Variants in CHCHD6 observed in about 807,000 individuals in gnomAD.
CHCHD6 encodes MICOS complex subunit MIC25.
Under a neutral mutation model 32.3 loss-of-function variants are expected in CHCHD6, and 28 were observed. That is an observed-to-expected ratio of 0.87 (90% confidence interval 0.64 to 1.19). CHCHD6 has a LOEUF of 1.19. Ranked by LOEUF, CHCHD6 falls within the 50% of genes most tolerant of loss-of-function variation. The pLI, the probability that CHCHD6 is intolerant of heterozygous loss-of-function variation, is 0.00. For synonymous variants in CHCHD6, 122 were observed against 117.5 expected (o/e 1.04, Z -0.25); for missense variants, 333 against 307.0 (o/e 1.08, Z -0.63).
At chr3:126,872,418 G>T (rs573331605) in intron 5 of CHCHD6, among the ~76,000 whole-genome samples, 1 of 152,214 alleles carries the variant, frequency 6.6e-6, no homozygotes, top group African/African-American at 2.4e-5. Flanking sequence ...GGGCAACTTT[G>T]TATACCTCGT....
intron 4 of CHCHD6, among the ~76,000 whole-genome samples, chr3:126,769,070 T>C (rs990132724): frequency 6.6e-6 from 1 of 152,240 alleles, no homozygotes; most frequent in Non-Finnish European, 1.5e-5. Flanking sequence ...TTTTTGTTTT[T>C]GTTGCAATTG....
chr3:126,864,932 C>CCTCCTCCTCCACCATCAT (rs1398809841), intron 5 of CHCHD6, among the ~76,000 whole-genome samples: 12 of 110,804 alleles, frequency 1.1e-4, no homozygotes, highest in Admixed American at 5.7e-4. Flanking sequence ...TCCACCATCA[C>CCTCCTCCTCCACCATCAT]CTCCTCCTCC....
At chr3:126,888,517 A>G (rs2077710149) in intron 5 of CHCHD6, among the ~76,000 whole-genome samples, 1 of 152,302 alleles carries the variant, frequency 6.6e-6, no homozygotes, top group Non-Finnish European at 1.5e-5. Flanking sequence ...CACTAGGGTC[A>G]ATAAGGGATG....
At chr3:126,866,334 C>T (rs1333701761) in intron 5 of CHCHD6, among the ~76,000 whole-genome samples, 1 of 152,114 alleles carries the variant, frequency 6.6e-6, no homozygotes, top group African/African-American at 2.4e-5. Flanking sequence ...TCACAGTGAC[C>T]CAGTGAGCTG....
chr3:126,899,748 G>T (rs1369547907), intron 5 of CHCHD6, among the ~76,000 whole-genome samples: 3 of 152,222 alleles, frequency 2.0e-5, no homozygotes, highest in Non-Finnish European at 4.4e-5. Context: ...GGGACATTTT[G>T]TGCTCTTGCT....
intron 4 of CHCHD6, among the ~76,000 whole-genome samples, chr3:126,815,614 A>G (rs781286713): frequency 1.9e-4 from 28 of 150,102 alleles, no homozygotes; most frequent in South Asian, 8.5e-4. Context: ...CTTCTAGTCT[A>G]GCCCTTGCTG....
intron 5 of CHCHD6, among the ~76,000 whole-genome samples, chr3:126,908,947 G>A (rs1252500583): frequency 6.6e-6 from 1 of 152,238 alleles, no homozygotes; most frequent in African/African-American, 2.4e-5. Flanking sequence ...TCCTGACCCT[G>A]CACAGGCGGT....
At chr3:126,906,152 CTA>C (rs1328529227) in intron 5 of CHCHD6, among the ~76,000 whole-genome samples, 13 of 152,196 alleles carry the variant, frequency 8.5e-5, no homozygotes, top group Non-Finnish European at 1.8e-4. Flanking sequence ...ATTGTCTCCT[CTA>C]TGTTTCAAAC....
chr3:126,911,129 C>G (rs1016225229), intron 5 of CHCHD6, among the ~76,000 whole-genome samples: 1 of 152,244 alleles, frequency 6.6e-6, no homozygotes, highest in African/African-American at 2.4e-5. Flanking sequence ...CCCATGGTTT[C>G]TGCCAGGCTG....
At chr3:126,748,782 TC>T (rs1936608713) in intron 4 of CHCHD6, among the ~76,000 whole-genome samples, 1 of 152,068 alleles carries the variant, frequency 6.6e-6, no homozygotes, top group Admixed American at 6.5e-5. Context: ...GCTCCATCCA[TC>T]CATTCAAGAC....
At chr3:126,743,252 T>C (rs1406569139) in intron 4 of CHCHD6, among the ~76,000 whole-genome samples, 2 of 152,192 alleles carry the variant, frequency 1.3e-5, no homozygotes, top group African/African-American at 4.8e-5. Flanking sequence ...GCAGGAGATG[T>C]GCATGTGTAT....
chr3:126,941,343 A>G (rs2078555990), intron 6 of CHCHD6, among the ~76,000 whole-genome samples: 1 of 152,220 alleles, frequency 6.6e-6, no homozygotes, highest in African/African-American at 2.4e-5. Context: ...GTCTATTTCT[A>G]GACTCTTTTC....
intron 6 of CHCHD6, among the ~76,000 whole-genome samples, chr3:126,929,786 G>C (rs1396593241): frequency 6.6e-6 from 1 of 152,084 alleles, no homozygotes; most frequent in Admixed American, 6.5e-5. Flanking sequence ...GGCCGGTCTC[G>C]AACTCCTGAC....
chr3:126,751,564 T>G (rs1379495913), intron 4 of CHCHD6, among the ~76,000 whole-genome samples: 1 of 150,848 alleles, frequency 6.6e-6, no homozygotes, highest in South Asian at 2.1e-4. Context: ...TCTTATCCTC[T>G]AGGGTAGCCC....
chr3:126,862,341 C>T (rs1338898346), intron 5 of CHCHD6, among the ~76,000 whole-genome samples: 1 of 141,586 alleles, frequency 7.1e-6, no homozygotes, highest in African/African-American at 2.6e-5. Flanking sequence ...CCATCACCTC[C>T]TCCTCCCCCA....
chr3:126,946,711 G>A (rs1304893317), intron 6 of CHCHD6, among the ~76,000 whole-genome samples: 1 of 152,208 alleles, frequency 6.6e-6, no homozygotes, highest in Admixed American at 6.5e-5. Flanking sequence ...GGTCTCATCA[G>A]CGCCTCAGCC....
intron 6 of CHCHD6, among the ~76,000 whole-genome samples, chr3:126,917,347 T>C (rs2078186286): frequency 1.3e-5 from 2 of 152,216 alleles, no homozygotes; most frequent in African/African-American, 4.8e-5. Context: ...CTGGGGTTGC[T>C]CTTCCTTTGT....
At chr3:126,955,582 G>C (rs1437944549) in intron 6 of CHCHD6, among the ~76,000 whole-genome samples, 1 of 152,186 alleles carries the variant, frequency 6.6e-6, no homozygotes, top group Non-Finnish European at 1.5e-5. Flanking sequence ...CCTTGGCGCT[G>C]GTGTGGCATG....
At chr3:126,739,475 C>A (rs1936197463) in intron 4 of CHCHD6, among the ~76,000 whole-genome samples, 1 of 152,176 alleles carries the variant, frequency 6.6e-6, no homozygotes, top group East Asian at 1.9e-4. Context: ...CTATGCAGCT[C>A]CAGAGATTTT....
Sources: gnomAD v4.1 joint callset for allele counts (sites outside exome capture counted in the v4.1 genomes callset) on GRCh38, gnomAD v4.1.1 for gene constraint, MANE v1.5 for transcripts, NCBI Gene and HGNC (gene_info 2026-07-23, HGNC 2026-07-21) for gene names.